ARHGAP39: variants seen among roughly 807,000 people sequenced by gnomAD.
ARHGAP39 encodes Rho GTPase activating protein 39.
In ARHGAP39, 44 loss-of-function variants were observed where a neutral mutation model predicts 106.9. The observed-to-expected ratio is 0.41, with a 90% CI of 0.32 to 0.53. The LOEUF is 0.53. ARHGAP39 is among the 20% of genes least tolerant of loss of function. The pLI is 0.21. For missense variants in ARHGAP39, 1,496 were observed against 1,577.3 expected (o/e 0.95, Z 0.87); for synonymous variants, 768 against 693.2 (o/e 1.11, Z -1.69).
intron 2 of ARHGAP39, among the ~76,000 whole-genome samples, chr8:144,599,787 C>T (rs1237278486): frequency 5.9e-5 from 9 of 152,194 alleles, no homozygotes; most frequent in Non-Finnish European, 1.0e-4. Context: ...CTGGGAGACA[C>T]GTGCACATGA....
At chr8:144,592,533 G>A (rs1010540652) in intron 2 of ARHGAP39, among the ~76,000 whole-genome samples, 4 of 139,718 alleles carry the variant, frequency 2.9e-5, no homozygotes, top group Non-Finnish European at 6.2e-5. Context: ...CTGGGGGACA[G>A]CACTGAGCCC....
At chr8:144,589,014 G>A (rs1819289237) in intron 2 of ARHGAP39, among the ~76,000 whole-genome samples, 1 of 152,222 alleles carries the variant, frequency 6.6e-6, no homozygotes, top group South Asian at 2.1e-4. Flanking sequence ...CCCGGGGACA[G>A]AAAAAGGAAA....
At chr8:144,649,560 A>G (rs1403615727) in intron 1 of ARHGAP39, among the ~76,000 whole-genome samples, 1 of 152,128 alleles carries the variant, frequency 6.6e-6, no homozygotes, top group Non-Finnish European at 1.5e-5. Flanking sequence ...ACTTTAGGTC[A>G]GGAGTTCAAG....
chr8:144,534,789 G>A (rs1246227869), intron 7 of ARHGAP39, among the ~76,000 whole-genome samples: 2 of 152,228 alleles, frequency 1.3e-5, no homozygotes, highest in Non-Finnish European at 1.5e-5. Flanking sequence ...TCTCAAAGGA[G>A]GGGCTTCCTA....
At chr8:144,685,314 CCCA>C (rs1822556649) in intron 1 of ARHGAP39, among the ~76,000 whole-genome samples, 1 of 151,996 alleles carries the variant, frequency 6.6e-6, no homozygotes, top group Admixed American at 6.5e-5. Context: ...CACACTCACA[CCCA>C]CCTAGGGCAG....
chr8:144,601,302 A>C (rs1475542419), intron 2 of ARHGAP39, among the ~76,000 whole-genome samples: 1 of 106,326 alleles, frequency 9.4e-6, no homozygotes, highest in Non-Finnish European at 1.9e-5. Context: ...GTGCGTGCTC[A>C]TGTACCTGTG....
At chr8:144,673,999 G>C (rs971402311) in intron 1 of ARHGAP39, among the ~76,000 whole-genome samples, 1 of 152,358 alleles carries the variant, frequency 6.6e-6, no homozygotes. Context: ...CCAGAAGCTT[G>C]GAGATGCCAG....
chr8:144,576,494 G>A (rs766539003), intron 3 of ARHGAP39, among the ~76,000 whole-genome samples: 3 of 152,168 alleles, frequency 2.0e-5, no homozygotes, highest in Non-Finnish European at 4.4e-5. Flanking sequence ...TGAGCCATGG[G>A]TGACAGGGCA....
At chr8:144,606,673 A>G (rs1043541949) in intron 1 of ARHGAP39, among the ~76,000 whole-genome samples, 4 of 152,142 alleles carry the variant, frequency 2.6e-5, no homozygotes, top group African/African-American at 9.7e-5. Flanking sequence ...GGAGGAAAGT[A>G]AGACATGGGT....
intron 1 of ARHGAP39, among the ~76,000 whole-genome samples, chr8:144,612,683 A>C (rs1820520314): frequency 1.3e-5 from 1 of 76,122 alleles, no homozygotes; most frequent in Non-Finnish European, 2.6e-5. Flanking sequence ...CACTCCAGCC[A>C]GGGCGACAGA....
chr8:144,681,812 G>A (rs1402413429), intron 1 of ARHGAP39, among the ~76,000 whole-genome samples: 2 of 152,152 alleles, frequency 1.3e-5, no homozygotes, highest in East Asian at 1.9e-4. Context: ...TACTAAAGGT[G>A]GAAGGGTTTT....
At chr8:144,623,328 T>C (rs1820852097) in intron 1 of ARHGAP39, among the ~76,000 whole-genome samples, 1 of 152,136 alleles carries the variant, frequency 6.6e-6, no homozygotes. Context: ...GAAATAAATT[T>C]AAATATAATA....
At chr8:144,620,849 C>A (rs754616597) in intron 1 of ARHGAP39, among the ~76,000 whole-genome samples, 14 of 152,244 alleles carry the variant, frequency 9.2e-5, no homozygotes, top group Non-Finnish European at 1.9e-4. Context: ...CCGTGAGGAC[C>A]GGCAGGAATC....
intron 1 of ARHGAP39, among the ~76,000 whole-genome samples, chr8:144,611,237 C>T (rs916421615): frequency 2.0e-5 from 3 of 152,206 alleles, no homozygotes; most frequent in African/African-American, 7.2e-5. Flanking sequence ...TCTCAGAGAA[C>T]ATAATTTATA....
At position 144,533,325 on chromosome 8, in the gene ARHGAP39, C is replaced by T; in HGVS notation, c.2689G>A (p.Gly897Arg). Residue 897 changes from glycine (G) to arginine (R), a missense_variant and splice_region_variant, in exon 9 of 12, where the codon GGG becomes AGG. Physicochemically the swap from Gly to Arg is moderately radical, Grantham distance 125. Coordinates refer to ENST00000377307, the MANE Select transcript of ARHGAP39 (RefSeq NM_025251.3). ...QKAALTGAKK[G>R]LKKPNVEEIR... The stretch of plus-strand genomic sequence containing the variant: ...TCCTCCACGTTGGGCTTCTTCAGCC[C>T]CTGTGAAGACAGAGGCTCCGTCCTG... 6.2e-7 allele frequency: 1 copy of T among 1,612,360 alleles called. No individual in the cohort carries two copies.
In ARHGAP39 at chr8:144,544,915, C is replaced by A. The variant is rs118029891; in HGVS notation, c.2521+334G>T. 3.8e-3 allele frequency among the ~76,000 whole-genome samples: 586 copies of A among 152,382 alleles called. 3 individuals carry two copies. The highest frequency in any genetic ancestry group is 0.014 in the Middle Eastern group (4 of 294). Reference sequence around the variant, plus strand: ...CGGCAGGCACACAGGTGCCTGACTACGGCTGCTCCGCCCTCGGCGTCTTCG... The same window carrying A: ...CGGCAGGCACACAGGTGCCTGACTAAGGCTGCTCCGCCCTCGGCGTCTTCG... On this transcript the variant is annotated intron_variant, in intron 6 of 11. Transcript: ENST00000377307.
intron 3 of ARHGAP39, among the ~76,000 whole-genome samples, chr8:144,560,883 C>T (rs1484853329): frequency 6.6e-6 from 1 of 152,182 alleles, no homozygotes; most frequent in Non-Finnish European, 1.5e-5. Context: ...TTCATCACGG[C>T]AGAATTACTT....
At chr8:144,572,804 G>A (rs927067147) in intron 3 of ARHGAP39, among the ~76,000 whole-genome samples, 2 of 152,168 alleles carry the variant, frequency 1.3e-5, no homozygotes, top group African/African-American at 4.8e-5. Context: ...CCATCAAAAA[G>A]TGGGCAAAGG....
chr8:144,661,210 AGAGGAGGCCATTCCACTCTACACACAG>A (rs1307996205), intron 1 of ARHGAP39, among the ~76,000 whole-genome samples: 49 of 152,290 alleles, frequency 3.2e-4, no homozygotes, highest in East Asian at 1.9e-4. Context: ...AGTGTGGAGC[AGAGGAGGCCATTCCACTCTACACACAG>A]GAGGAGGCCA....
Sources: allele counts gnomAD v4.1 joint callset (sites outside exome capture counted in the v4.1 genomes callset), GRCh38; gene constraint gnomAD v4.1.1; transcripts MANE v1.5; gene names NCBI Gene and HGNC (gene_info 2026-07-23, HGNC 2026-07-21).